IL1RAPL1: variants seen among roughly 807,000 people sequenced by gnomAD.
The protein encoded by IL1RAPL1 is interleukin-1 receptor accessory protein-like 1.
A neutral mutation model predicts 48.4 loss-of-function variants in IL1RAPL1; 3 were observed. The observed-to-expected ratio is 0.06, with a 90% CI of 0.03 to 0.16. The LOEUF (loss-of-function observed/expected upper bound fraction) is 0.16. Among genes scored for constraint, IL1RAPL1 ranks in the 10% least tolerant of loss-of-function variants. The probability of loss-of-function intolerance (pLI) is 1.00; values close to 1 mark genes in which losing one functional copy is unlikely to be tolerated. For missense variants in IL1RAPL1, 349 were observed against 530.6 expected (o/e 0.66, Z 3.36); for synonymous variants, 185 against 187.7 (o/e 0.99, Z 0.12).
At chrX:29,823,156 A>T (rs1336898857) in intron 6 of IL1RAPL1, among the ~76,000 whole-genome samples, 1 of 111,729 alleles carries the variant, frequency 9.0e-6, no homozygotes, top group Non-Finnish European at 1.9e-5. Flanking sequence ...GCATGATAAG[A>T]TTAAAGGTCC....
chrX:29,865,785 C>T (rs1235996395), intron 6 of IL1RAPL1, among the ~76,000 whole-genome samples: 3 of 104,144 alleles, frequency 2.9e-5, no homozygotes, highest in African/African-American at 7.0e-5. Flanking sequence ...TACAGGTGCA[C>T]GCCACCACGC....
chrX:29,665,696 C>T (rs1372344695), intron 5 of IL1RAPL1, among the ~76,000 whole-genome samples: 2 of 112,074 alleles, frequency 1.8e-5, no homozygotes, highest in Non-Finnish European at 3.8e-5. Flanking sequence ...GTGGCTCAGC[C>T]ATTGTGGTCT....
intron 2 of IL1RAPL1, among the ~76,000 whole-genome samples, chrX:29,156,217 G>T (rs1360610090): frequency 9.0e-6 from 1 of 111,296 alleles, no homozygotes; most frequent in African/African-American, 3.3e-5. Context: ...CCTTTTTAGT[G>T]TGCTACATTG....
chrX:29,404,382 T>C (rs1049768922), intron 5 of IL1RAPL1, among the ~76,000 whole-genome samples: 16 of 112,139 alleles, frequency 1.4e-4, no homozygotes, highest in African/African-American at 4.9e-4. Context: ...CCTTTCTGCC[T>C]TCCTTCCTTT....
At chrX:29,715,171 C>T (rs1298966205) in intron 6 of IL1RAPL1, among the ~76,000 whole-genome samples, 1 of 111,674 alleles carries the variant, frequency 9.0e-6, no homozygotes, top group Non-Finnish European at 1.9e-5. Flanking sequence ...ATTTTTCCAG[C>T]TGCTAGGAGT....
At chrX:29,566,824 C>CA (rs1470671621) in intron 5 of IL1RAPL1, among the ~76,000 whole-genome samples, 2 of 110,108 alleles carry the variant, frequency 1.8e-5, no homozygotes, top group East Asian at 5.6e-4. Flanking sequence ...ATAATTATAC[C>CA]AAAAAAAGTA....
At chrX:28,661,471 G>A (rs904062463) in intron 1 of IL1RAPL1, among the ~76,000 whole-genome samples, 1 of 110,936 alleles carries the variant, frequency 9.0e-6, no homozygotes, top group Non-Finnish European at 1.9e-5. Context: ...AATAATTTTG[G>A]GATTGGATCT....
At chrX:28,955,227 C>T (rs368204700) in intron 2 of IL1RAPL1, among the ~76,000 whole-genome samples, 83 of 111,071 alleles carry the variant, frequency 7.5e-4, no homozygotes, top group African/African-American at 2.4e-3. Context: ...GATATAATGA[C>T]GGATATATGT....
chrX:29,238,224 C>A (rs1931345329), intron 2 of IL1RAPL1, among the ~76,000 whole-genome samples: 1 of 111,703 alleles, frequency 9.0e-6, no homozygotes, highest in South Asian at 3.8e-4. Context: ...GCCTTTCTTT[C>A]CTCTCTGTTA....
At chrX:28,927,339 C>A (rs1923771635) in intron 2 of IL1RAPL1, among the ~76,000 whole-genome samples, 1 of 111,889 alleles carries the variant, frequency 8.9e-6, no homozygotes, top group African/African-American at 3.2e-5. Flanking sequence ...AATTATCTCT[C>A]TCCTCCTTCA....
intron 2 of IL1RAPL1, among the ~76,000 whole-genome samples, chrX:28,836,915 C>T (rs911282334): frequency 1.3e-4 from 14 of 109,746 alleles, no homozygotes; most frequent in African/African-American, 4.6e-4. Flanking sequence ...CAAAACTCAG[C>T]ATGGCAAAAA....
chrX:28,852,764 C>T (rs150007211), intron 2 of IL1RAPL1, among the ~76,000 whole-genome samples: 1,240 of 111,317 alleles, frequency 0.011, 20 homozygotes, highest in African/African-American at 0.038. Flanking sequence ...GGGTAAATTA[C>T]GGCCAAAGCT....
chrX:29,342,350 A>C (rs2147646697), intron 3 of IL1RAPL1, among the ~76,000 whole-genome samples: 1 of 111,384 alleles, frequency 9.0e-6, no homozygotes, highest in Non-Finnish European at 1.9e-5. Context: ...TAAGGCTTTT[A>C]CCCCCATTGA....
chrX:28,762,168 A>G, intron 1 of IL1RAPL1, among the ~76,000 whole-genome samples: 1 of 112,020 alleles, frequency 8.9e-6, no homozygotes. Context: ...AGAAGGAAAT[A>G]TATGATTTTC....
At chrX:28,688,028 C>T (rs369880462) in intron 1 of IL1RAPL1, among the ~76,000 whole-genome samples, 2 of 102,336 alleles carry the variant, frequency 2.0e-5, no homozygotes, top group East Asian at 3.2e-4. Context: ...CACTTGAACC[C>T]AGGAGTTGGA....
intron 2 of IL1RAPL1, among the ~76,000 whole-genome samples, chrX:29,233,172 C>T (rs1294743310): frequency 9.0e-6 from 1 of 111,392 alleles, no homozygotes. Flanking sequence ...CATTCTTATG[C>T]TGGGTCATCC....
chrX:29,735,693 A>C (rs1928025827), intron 6 of IL1RAPL1, among the ~76,000 whole-genome samples: 1 of 112,095 alleles, frequency 8.9e-6, no homozygotes. Context: ...TTTGCAGAGA[A>C]AGGGTTGATG....
chrX:29,301,193 C>T lies in IL1RAPL1; in HGVS notation c.362+17976C>T, dbSNP rs148894891. 3.6e-3 allele frequency among the ~76,000 whole-genome samples: 401 copies of T among 111,873 alleles called. 3 individuals are homozygous for T. In the East Asian group the frequency reaches 0.051, roughly 14 times the overall value. On this transcript the variant is annotated intron_variant, in intron 3 of 10. Transcript: ENST00000378993. ...TATAAATTTGGCAGCTTTGAATTCC[C>T]TCTTTTGTTTGAATGTGGAACCATC...
chrX:29,949,792 TTC>T (rs1933281954), intron 9 of IL1RAPL1, among the ~76,000 whole-genome samples: 1 of 112,311 alleles, frequency 8.9e-6, no homozygotes, highest in African/African-American at 3.2e-5. Context: ...TCAATTTATG[TTC>T]TTTCTTATAT....
Sources: allele counts gnomAD v4.1 joint callset (sites outside exome capture counted in the v4.1 genomes callset), GRCh38; gene constraint gnomAD v4.1.1; transcripts MANE v1.5; gene names NCBI Gene and HGNC (gene_info 2026-07-23, HGNC 2026-07-21).